Variants in TAF2 observed in about 807,000 individuals in gnomAD.
TAF2 encodes TATA-box binding protein associated factor 2.
TAF2 carries 61 observed loss-of-function variants against 138.5 expected under a neutral mutation model. The ratio of observed to expected loss-of-function variants is 0.44; its 90% CI spans 0.36 to 0.54. The LOEUF (loss-of-function observed/expected upper bound fraction) is 0.54. Ranked by LOEUF, TAF2 falls within the 20% of genes least tolerant of loss-of-function variation. The probability of loss-of-function intolerance (pLI) is 0.00; values close to 1 mark genes in which losing one functional copy is unlikely to be tolerated. For synonymous variants in TAF2, 475 were observed against 469.9 expected (o/e 1.01, Z -0.14); for missense variants, 1,090 against 1,427.9 (o/e 0.76, Z 3.81).
chr8:119,756,412 C>A (rs1820707446), intron 21 of TAF2, among the ~76,000 whole-genome samples: 1 of 151,996 alleles, frequency 6.6e-6, no homozygotes, highest in Non-Finnish European at 1.5e-5. Context: ...GTGATGAGAT[C>A]TTCTAAAACC....
At chr8:119,825,333 C>T (rs1826028975) in intron 2 of TAF2, among the ~76,000 whole-genome samples, 1 of 152,254 alleles carries the variant, frequency 6.6e-6, no homozygotes, top group Non-Finnish European at 1.5e-5. Flanking sequence ...CCTGTACTCT[C>T]ATTGTATCTA....
intron 18 of TAF2, chr8:119,767,061 T>C (rs1821480847): frequency 6.6e-6 from 1 of 152,198 alleles, no homozygotes; most frequent in African/African-American, 2.4e-5. Flanking sequence ...GACACAGAAC[T>C]GACAGCCACT....
chr8:119,781,052 C>T lies in TAF2; in HGVS notation c.2253+1G>A. 6.2e-7 allele frequency: 1 copy of T among 1,612,024 alleles called. No individual in the cohort carries two copies. The highest frequency in any genetic ancestry group is 8.5e-7 in the Non-Finnish European group (1 of 1,179,610). ...TGAGAAAATTAGAAAGTAAACTGTA[C>T]CTTCTGTAGAAAATAGCTTTGAAAG... is the stretch of plus-strand genomic sequence containing the variant. On this transcript the variant is annotated splice_donor_variant, in intron 17 of 25. Coordinates refer to ENST00000378164, the MANE Select transcript of TAF2 (RefSeq NM_003184.4). LOFTEE classifies it high-confidence loss of function.
chr8:119,794,739 C>A (rs943320895), intron 9 of TAF2, among the ~76,000 whole-genome samples: 1 of 152,052 alleles, frequency 6.6e-6, no homozygotes, highest in African/African-American at 2.4e-5. Flanking sequence ...TTAATAGTTT[C>A]TGAAATAAAG....
At chr8:119,748,585 T>C (rs1820138134) in intron 22 of TAF2, among the ~76,000 whole-genome samples, 2 of 152,108 alleles carry the variant, frequency 1.3e-5, no homozygotes, top group Non-Finnish European at 1.5e-5. Flanking sequence ...AAACATTACA[T>C]AGTAAAAGCA....
At chr8:119,764,588 T>C (rs1821299003) in intron 18 of TAF2, among the ~76,000 whole-genome samples, 1 of 152,172 alleles carries the variant, frequency 6.6e-6, no homozygotes, top group Non-Finnish European at 1.5e-5. Flanking sequence ...AGAATACATT[T>C]CCTGTGTAAT....
At position 119,832,637 on chromosome 8, in the gene TAF2, A is replaced by C; in HGVS notation, c.-73T>G. On this transcript the variant is annotated 5_prime_UTR_variant, in exon 1 of 26. Transcript: ENST00000378164. ...GGGCATTACTAGTCTTTGGCACCTC[A>C]CACTCTCCACTCCCCTGCGGTCCCC... 1 of 1,416,216 alleles carries C rather than the reference A, an allele frequency of 7.1e-7. No homozygotes were observed. The highest frequency in any genetic ancestry group is 9.8e-7 in the Non-Finnish European group (1 of 1,018,094). The allele number at this position is 1,416,216 out of a possible 1,614,324, so 87.7% of individuals were successfully genotyped here.
intron 2 of TAF2, among the ~76,000 whole-genome samples, chr8:119,822,469 C>G (rs1332238916): frequency 6.6e-6 from 1 of 152,082 alleles, no homozygotes; most frequent in Non-Finnish European, 1.5e-5. Context: ...AGTGACCCTC[C>G]TATCTCAGCC....
intron 3 of TAF2, among the ~76,000 whole-genome samples, chr8:119,817,311 G>A (rs968409409): frequency 1.3e-5 from 2 of 152,146 alleles, no homozygotes; most frequent in Non-Finnish European, 2.9e-5. Context: ...TACCTTCTGA[G>A]CTTTGCCTCC....
At chr8:119,732,622 G>GGT (rs1415399369) in intron 25 of TAF2, among the ~76,000 whole-genome samples, 3 of 152,164 alleles carry the variant, frequency 2.0e-5, no homozygotes, top group East Asian at 3.9e-4. Flanking sequence ...TGGCCAACGT[G>GGT]GTCAAACTCC....
In TAF2 at chr8:119,793,417, G is replaced by GC. The variant is rs1393446728; in HGVS notation, c.1225_1226insG (p.Thr409SerfsTer18). On this transcript the variant is annotated frameshift_variant, in exon 10 of 26. Coordinates refer to ENST00000378164, the MANE Select transcript of TAF2 (RefSeq NM_003184.4). LOFTEE classifies it high-confidence loss of function. The stretch of plus-strand genomic sequence containing the variant: ...TATGGGATGTAGTAAAACCCCACCA[G>GC]TTTTTAGTTCATATGCCACTATTTT... The GC allele has an allele frequency of 6.2e-7, 1 of 1,612,724 alleles. No homozygotes were observed. The highest frequency in any genetic ancestry group is 1.3e-5 in the African/African-American group (1 of 74,828).
chr8:119,757,339 GATATTTCATATCC>G (rs1335451393), intron 21 of TAF2, among the ~76,000 whole-genome samples: 1 of 151,924 alleles, frequency 6.6e-6, no homozygotes, highest in Non-Finnish European at 1.5e-5. Context: ...AATCTTTATG[GATATTTCATATCC>G]ATATTTTCAT....
At chr8:119,784,430 C>A (rs1822882183) in intron 15 of TAF2, among the ~76,000 whole-genome samples, 1 of 152,056 alleles carries the variant, frequency 6.6e-6, no homozygotes, top group Non-Finnish European at 1.5e-5. Flanking sequence ...TGGCATGCAG[C>A]CAGGCATGCA....
chr8:119,787,798 T>C (rs542297823), intron 14 of TAF2, among the ~76,000 whole-genome samples: 7 of 152,350 alleles, frequency 4.6e-5, no homozygotes, highest in Admixed American at 1.3e-4. Flanking sequence ...CGTATGTTTA[T>C]TGCAGCACTG....
intron 3 of TAF2, among the ~76,000 whole-genome samples, chr8:119,818,319 A>G (rs1361895316): frequency 4.6e-5 from 7 of 152,176 alleles, no homozygotes; most frequent in Non-Finnish European, 1.0e-4. Flanking sequence ...TGGGAATCAC[A>G]CTTTAAGAAC....
At chr8:119,775,476 G>A (rs561064611) in intron 18 of TAF2, among the ~76,000 whole-genome samples, 1 of 152,048 alleles carries the variant, frequency 6.6e-6, no homozygotes, top group Non-Finnish European at 1.5e-5. Context: ...GCCGAGGCAG[G>A]CGAATCACTT....
Position 119,832,517 on chromosome 8 carries a change from T to A in TAF2, c.48A>T (p.Gly16=). The A allele has an allele frequency of 6.2e-7, 1 of 1,608,922 alleles. No homozygotes were observed. The change falls in exon 1 of 26, where the codon GGA becomes GGT. Residue 16 remains glycine, a synonymous_variant. Coordinates refer to ENST00000378164, the MANE Select transcript of TAF2 (RefSeq NM_003184.4). ...VEPARMNRKK[G]DKGFESPRPY... ...GCCTTGGGCTTTCAAAGCCCTTGTC[T>A]CCTTTCTTCCTGTTCATTCTGGCGG...
chr8:119,749,458 A>C (rs1034256341), intron 22 of TAF2, among the ~76,000 whole-genome samples: 2 of 152,224 alleles, frequency 1.3e-5, no homozygotes, highest in African/African-American at 4.8e-5. Flanking sequence ...CAAAAAATAG[A>C]GATAAAAGCC....
chr8:119,749,268 G>C (rs1221752706), intron 22 of TAF2, among the ~76,000 whole-genome samples: 2 of 152,082 alleles, frequency 1.3e-5, no homozygotes, highest in African/African-American at 2.4e-5. Flanking sequence ...ATTTCTATGT[G>C]GGCTTTTTGG....
Sources: gnomAD v4.1 joint callset for allele counts (sites outside exome capture counted in the v4.1 genomes callset) on GRCh38, gnomAD v4.1.1 for gene constraint, MANE v1.5 for transcripts, NCBI Gene and HGNC (gene_info 2026-07-23, HGNC 2026-07-21) for gene names.